TPRX1: variants seen among roughly 807,000 people sequenced by gnomAD.
TPRX1 encodes tetrapeptide repeat homeobox 1, also known as tetra-peptide repeat homeobox protein 1.
A neutral mutation model predicts 8.1 loss-of-function variants in TPRX1; 2 were observed. The ratio of observed to expected loss-of-function variants is 0.25; its 90% CI spans 0.10 to 0.78. The LOEUF (loss-of-function observed/expected upper bound fraction) is 0.78, where lower values mean the gene tolerates loss of function less well. Ranked by LOEUF, TPRX1 falls within the 30% of genes least tolerant of loss-of-function variation. TPRX1 has a pLI of 0.70. For missense variants in TPRX1, 517 were observed against 586.9 expected, an observed-to-expected ratio of 0.88 and a Z score of 1.23; for synonymous variants, 257 against 254.1, an observed-to-expected ratio of 1.01 and a Z score of -0.11.
At chr19:47,802,423 T>C (rs773574870) in exon 4 of TPRX1, 4 of 1,309,060 alleles carry the variant, frequency 3.1e-6, no homozygotes, top group Non-Finnish European at 4.2e-6. Context: ...AGATTGGGCC[T>C]GGGATCGGGC....
chr19:47,801,833 T>C (rs766346395), exon 4 of TPRX1: 2 of 1,614,012 alleles, frequency 1.2e-6, no homozygotes. Context: ...GCCACCCTCC[T>C]CTTGGGGCTG....
exon 4 of TPRX1, chr19:47,802,563 G>A (rs774935584): frequency 4.1e-5 from 63 of 1,549,988 alleles, no homozygotes; most frequent in East Asian, 7.4e-5. Flanking sequence ...ATTGGGCCAC[G>A]GAATGGGCCT....
At chr19:47,815,174 T>G (rs1220095602) in intron 2 of TPRX1, among the ~76,000 whole-genome samples, 2 of 68,716 alleles carry the variant, frequency 2.9e-5, no homozygotes, top group African/African-American at 1.2e-4. Flanking sequence ...TTTTTTTTTT[T>G]GAGACAGTCT....
In TPRX1 at chr19:47,803,655, TC is replaced by T. The variant is rs1967705736; in HGVS notation, c.169del (p.Asp57ThrfsTer21). The T allele has an allele frequency of 9.5e-7, 1 of 1,056,238 alleles. No individual in the cohort carries two copies. The highest frequency in any genetic ancestry group is 1.4e-6 in the Non-Finnish European group (1 of 724,568). The allele number at this position is 1,056,238 out of a possible 1,614,324, so 65.4% of individuals were successfully genotyped here. ...CTCCTGCCGCTGTCTCCTTGGAGGG[TC>T]CAGGGCCAGGGGAGGGCCTGGGGGT... On this transcript the variant is annotated frameshift_variant, in exon 3 of 4. Coordinates refer to ENST00000535759, the Ensembl canonical transcript of TPRX1. LOFTEE classifies it high-confidence loss of function.
At chr19:47,818,551 G>A (rs1178073200) in intron 1 of TPRX1, 5 of 455,948 alleles carry the variant, frequency 1.1e-5, no homozygotes. Flanking sequence ...GACAAGGGCA[G>A]ACAAGAAACA....
Position 47,804,909 on chromosome 19 carries a change from T to G in TPRX1, c.152-1236A>C, listed in dbSNP as rs139585754. On this transcript the variant is annotated intron_variant, in intron 2 of 3. Transcript: ENST00000535759. Reference sequence around the variant, plus strand: ...ACCGCCAGCCAGCCCCCAGGAGTCATCCTTGTTCCTTCCCAGGGCTGGGGC... The same window carrying G: ...ACCGCCAGCCAGCCCCCAGGAGTCAGCCTTGTTCCTTCCCAGGGCTGGGGC... Among the ~76,000 whole-genome samples the G allele has an allele frequency of 6.1e-4, 93 of 152,300 alleles. 2 individuals are homozygous for G. In the East Asian group the frequency reaches 0.015, roughly 24 times the overall value.
chr19:47,813,996 A>T (rs62131909), intron 2 of TPRX1, among the ~76,000 whole-genome samples: 4 of 140,500 alleles, frequency 2.8e-5, no homozygotes, highest in Admixed American at 7.4e-5. Context: ...GAGTGGATAC[A>T]GGCATATTCC....
rs183700357 is a variant in TPRX1 at position 47,802,569 on chromosome 19, G to A, written c.733C>T (p.Pro245Ser). 6 of 1,550,996 alleles carry A rather than the reference G, an allele frequency of 3.9e-6. No individual in the cohort carries two copies. In the East Asian group the frequency reaches 9.8e-5, roughly 25 times the overall value. The change falls in exon 4 of 4, where the codon CCA (proline) becomes TCA (serine). Residue 245 changes from proline (P) to serine (S), a missense_variant. Pro to Ser is a moderately conservative substitution (Grantham distance 74). This residue lies in a region of TPRX1 where 506 missense variants were observed against 515.5 expected (regional missense o/e 0.98). Transcript: ENST00000535759. ...GGGCCTGGGATTGGGCCACGGAATG[G>A]GCCTGGGATCTGGACTGGGCCTGAA...
chr19:47,810,895 C>A (rs895298515), intron 2 of TPRX1, among the ~76,000 whole-genome samples: 9 of 149,462 alleles, frequency 6.0e-5, no homozygotes, highest in Admixed American at 2.7e-4. Context: ...ATGAGGTTGG[C>A]CTTTGCTTTC....
intron 2 of TPRX1, among the ~76,000 whole-genome samples, chr19:47,813,947 T>C (rs1344543979): frequency 3.7e-4 from 1 of 2,724 alleles, no homozygotes; most frequent in Admixed American, 3.3e-3. Context: ...GAGAAGGGCG[T>C]GGTGGGGGCG....
chr19:47,808,014 C>T (rs1038589505), intron 2 of TPRX1, among the ~76,000 whole-genome samples: 1 of 152,060 alleles, frequency 6.6e-6, no homozygotes, highest in East Asian at 1.9e-4. Flanking sequence ...ACTGCAACCT[C>T]GAACTCTGGG....
chr19:47,807,551 T>G, intron 2 of TPRX1, among the ~76,000 whole-genome samples: 1 of 151,892 alleles, frequency 6.6e-6, no homozygotes, highest in East Asian at 1.9e-4. Flanking sequence ...TTTTCTATTT[T>G]TAGTAGAGAT....
At chr19:47,807,155 C>T (rs186753753) in intron 2 of TPRX1, among the ~76,000 whole-genome samples, 12 of 152,328 alleles carry the variant, frequency 7.9e-5, no homozygotes, top group Admixed American at 4.6e-4. Context: ...ATCCACCCAT[C>T]TCGGCCTCCC....
intron 2 of TPRX1, among the ~76,000 whole-genome samples, chr19:47,812,417 C>A (rs531993305): frequency 4.0e-5 from 6 of 151,070 alleles, no homozygotes; most frequent in African/African-American, 1.5e-4. Flanking sequence ...GGCAACATAG[C>A]GAGATCTTGT....
exon 4 of TPRX1, chr19:47,802,542 T>TTGGGCCTGGGATTGGGCCACGGAA: frequency 6.5e-7 from 1 of 1,542,524 alleles, no homozygotes; most frequent in South Asian, 1.2e-5. Context: ...GGGCCTGAAA[T>TTGGGCCTGGGATTGGGCCACGGAA]TGGGCCTGGG....
intron 2 of TPRX1, among the ~76,000 whole-genome samples, chr19:47,810,853 T>C (rs891087742): frequency 4.0e-5 from 6 of 151,594 alleles, no homozygotes; most frequent in Admixed American, 2.6e-4. Flanking sequence ...GAAGACAATA[T>C]TGGGGCAGAT....
In TPRX1 at chr19:47,803,056, C is replaced by A. The variant is rs1347179250; in HGVS notation, c.322-76G>T. The A allele has an allele frequency of 1.9e-5, 28 of 1,455,810 alleles. No individual in the cohort carries two copies. The East Asian group carries it at 3.5e-4, about 18-fold the overall frequency. The allele number at this position is 1,455,810 out of a possible 1,614,324, so 90.2% of individuals were successfully genotyped here. A position where few individuals can be genotyped will look rare whatever the true frequency, so the allele number is the denominator to read the frequency against. The stretch of plus-strand genomic sequence containing the variant: ...CCCAGTGAGCCTTTTGGGGTCGGGG[C>A]CAGCCTGAAGCCTCTCCCTGTGCTC... On this transcript the variant is annotated intron_variant, in intron 3 of 3. Transcript: ENST00000535759.
exon 4 of TPRX1, chr19:47,802,593 A>C (rs186546378): frequency 6.6e-7 from 1 of 1,524,332 alleles, no homozygotes; most frequent in Admixed American, 2.1e-5. Context: ...ACTGGGCCTG[A>C]AATTGGGCCT....
In TPRX1 at chr19:47,802,014, A is replaced by AG. The variant is rs761821181; in HGVS notation, c.1287dup (p.Trp431MetfsTer47). 6.2e-7 allele frequency: 1 copy of AG among 1,612,606 alleles called. No homozygotes were observed. The highest frequency in any genetic ancestry group is 8.5e-7 in the Non-Finnish European group (1 of 1,179,186). ...GAGGCATCGGGGCTCTGAGGCCATA[A>AG]GGGGGCTGGGGCTGGGAGTGATCCT... On this transcript the variant is annotated frameshift_variant, in exon 4 of 4. Coordinates refer to ENST00000535759, the Ensembl canonical transcript of TPRX1. LOFTEE classifies it low-confidence loss of function (END_TRUNC).
Sources: allele counts gnomAD v4.1 joint callset (sites outside exome capture counted in the v4.1 genomes callset), GRCh38; gene constraint gnomAD v4.1.1; regional missense constraint gnomAD v4.1.1; transcripts MANE v1.5; gene names NCBI Gene and HGNC (gene_info 2026-07-23, HGNC 2026-07-21).